Variants in CCAR1 observed in about 807,000 individuals in gnomAD.
CCAR1 encodes cell division cycle and apoptosis regulator 1, also known as cell division cycle and apoptosis regulator protein 1.
A neutral mutation model predicts 163.8 loss-of-function variants in CCAR1; 78 were observed. The ratio of observed to expected loss-of-function variants is 0.48; its 90% CI spans 0.40 to 0.57. CCAR1 has a LOEUF of 0.57. Among genes scored for constraint, CCAR1 ranks in the 20% least tolerant of loss-of-function variants. The probability of loss-of-function intolerance (pLI) is 0.00; values close to 1 mark genes in which losing one functional copy is unlikely to be tolerated. For missense variants in CCAR1, 1,019 were observed against 1,365.2 expected, an observed-to-expected ratio of 0.75 and a Z score of 4.00; for synonymous variants, 443 against 460.7, an observed-to-expected ratio of 0.96 and a Z score of 0.49.
At chr10:68,770,697 C>T (rs2056590580) in intron 17 of CCAR1, among the ~76,000 whole-genome samples, 1 of 152,090 alleles carries the variant, frequency 6.6e-6, no homozygotes, top group Admixed American at 6.6e-5. Context: ...GAGCCCACAT[C>T]ATGCCACTGC....
chr10:68,758,997 T>C (rs779973182), intron 15 of CCAR1, among the ~76,000 whole-genome samples: 2 of 152,174 alleles, frequency 1.3e-5, no homozygotes, highest in Non-Finnish European at 2.9e-5. Context: ...CATTGTTAGG[T>C]GTTTTATTCC....
At chr10:68,771,178 C>G in intron 17 of CCAR1, 28 bp from the exon 18 acceptor site, 2 of 1,545,118 alleles carry the variant, frequency 1.3e-6, no homozygotes, top group Non-Finnish European at 1.7e-6. Flanking sequence ...TGAAATTTGG[C>G]TAGGTTCATG....
chr10:68,759,161 C>G (rs2056437624), intron 15 of CCAR1, among the ~76,000 whole-genome samples: 1 of 152,202 alleles, frequency 6.6e-6, no homozygotes, highest in East Asian at 1.9e-4. Flanking sequence ...TGCCTGTGAT[C>G]CCAGCACTTC....
intron 2 of CCAR1, among the ~76,000 whole-genome samples, chr10:68,730,849 T>C (rs981626718): frequency 6.6e-6 from 1 of 152,074 alleles, no homozygotes; most frequent in Non-Finnish European, 1.5e-5. Flanking sequence ...CGTCACCATG[T>C]ACTACCAAAT....
intron 5 of CCAR1, among the ~76,000 whole-genome samples, chr10:68,741,851 G>C (rs1170330643): frequency 6.6e-6 from 1 of 152,108 alleles, no homozygotes; most frequent in Non-Finnish European, 1.5e-5. Context: ...TCTCTTCCTT[G>C]TCTTTTAAAA....
chr10:68,768,332 G>A (rs1285381650), intron 17 of CCAR1, among the ~76,000 whole-genome samples: 2 of 151,680 alleles, frequency 1.3e-5, no homozygotes, highest in Non-Finnish European at 2.9e-5. Flanking sequence ...TTGCCTGGCT[G>A]GGTGCAGTGG....
At position 68,791,556 on chromosome 10, in the gene CCAR1, A is replaced by G; in HGVS notation, c.*290A>G. On this transcript the variant is annotated 3_prime_UTR_variant, in exon 25 of 25. Coordinates refer to ENST00000265872, the MANE Select transcript of CCAR1 (RefSeq NM_018237.4). ...CCAATAAAGTTCATCAGTTTAATTG[A>G]CTGTAGTATTTAATTACCAAATTTC... is the stretch of plus-strand genomic sequence containing the variant. 5.2e-6 allele frequency: 1 copy of G among 192,352 alleles called. No individual in the cohort carries two copies. The highest frequency in any genetic ancestry group is 1.1e-5 in the Non-Finnish European group (1 of 93,666). 11.9% of individuals were successfully genotyped at this position (192,352 alleles called of 1,614,324 possible).
At chr10:68,735,291 A>G (rs1318665696) in intron 2 of CCAR1, among the ~76,000 whole-genome samples, 1 of 151,956 alleles carries the variant, frequency 6.6e-6, no homozygotes, top group Non-Finnish European at 1.5e-5. Context: ...CGAGGCGTCC[A>G]TAAGCTGTGA....
At chr10:68,743,728 GTTTGTTTATTTA>G (rs61617840) in intron 6 of CCAR1, among the ~76,000 whole-genome samples, 101,393 of 147,768 alleles carry the variant, frequency 0.69, 34,855 homozygotes, top group Non-Finnish European at 0.74. Flanking sequence ...TTATTTATTT[GTTTGTTTATTTA>G]TTTATTTATT....
intron 17 of CCAR1, among the ~76,000 whole-genome samples, chr10:68,767,102 G>A (rs182383300): frequency 6.6e-6 from 1 of 152,168 alleles, no homozygotes; most frequent in East Asian, 1.9e-4. Flanking sequence ...TATCCATAAT[G>A]TCTAGTTGTC....
chr10:68,791,341 G>A lies in CCAR1; in HGVS notation c.*75G>A. The stretch of plus-strand genomic sequence containing the variant: ...AAATCATGATATAAGAATGTTTGAA[G>A]GTGATGCATGTTTGATTTTAGTAGT... On this transcript the variant is annotated 3_prime_UTR_variant, in exon 25 of 25. Transcript: ENST00000265872. 1.0e-6 allele frequency: 1 copy of A among 953,264 alleles called. No homozygotes were observed. Among genetic ancestry groups the A allele is most frequent in the Non-Finnish European group, 1.6e-6 (1 of 630,200 alleles). The allele number at this position is 953,264 out of a possible 1,614,324, so 59.1% of individuals were successfully genotyped here.
At chr10:68,751,780 C>G (rs1287677597) in intron 10 of CCAR1, among the ~76,000 whole-genome samples, 1 of 151,716 alleles carries the variant, frequency 6.6e-6, no homozygotes, top group Non-Finnish European at 1.5e-5. Context: ...AGGAGAATCG[C>G]TTGAACCCGG....
chr10:68,732,644 T>G (rs2056056590), intron 2 of CCAR1, among the ~76,000 whole-genome samples: 1 of 152,178 alleles, frequency 6.6e-6, no homozygotes, highest in Admixed American at 6.5e-5. Flanking sequence ...CCACCATGCC[T>G]GGCCAGAACA....
intron 2 of CCAR1, among the ~76,000 whole-genome samples, chr10:68,724,948 G>A (rs1048845095): frequency 1.6e-4 from 25 of 152,260 alleles, no homozygotes; most frequent in Non-Finnish European, 1.6e-4. Flanking sequence ...AGACCAGCCT[G>A]ACAAACATGG....
At position 68,760,394 on chromosome 10, in the gene CCAR1, T is replaced by C. The variant is rs373357442; in HGVS notation, c.1921-613T>C. Among the ~76,000 whole-genome samples, 213 of 152,290 alleles carry C rather than the reference T, an allele frequency of 1.4e-3. 1 individual carries two copies. The Middle Eastern group carries it at 0.027, about 19-fold the overall frequency. ...ATAGTTTTGTGGGGTTTTTTCCCCC[T>C]TCTATTTAGGATGTTTCCTTAGGGT... On this transcript the variant is annotated intron_variant, in intron 15 of 24. Transcript: ENST00000265872.
At chr10:68,783,233 A>T (rs941734722) in intron 19 of CCAR1, among the ~76,000 whole-genome samples, 1 of 151,762 alleles carries the variant, frequency 6.6e-6, no homozygotes, top group Non-Finnish European at 1.5e-5. Context: ...TCTGTTGCCC[A>T]GGCTGGAATG....
intron 19 of CCAR1, among the ~76,000 whole-genome samples, chr10:68,773,678 AT>A (rs148251430): frequency 0.045 from 6,781 of 151,974 alleles, 278 homozygotes; most frequent in East Asian, 0.25. Context: ...AAAAAAAAAA[AT>A]GTATAATAGT....
At chr10:68,782,536 G>A (rs1317613216) in intron 19 of CCAR1, among the ~76,000 whole-genome samples, 3 of 152,252 alleles carry the variant, frequency 2.0e-5, no homozygotes, top group African/African-American at 4.8e-5. Flanking sequence ...TTCTTCCATC[G>A]GCTGAAGATG....
chr10:68,790,731 G>T (rs993279101), intron 24 of CCAR1, among the ~76,000 whole-genome samples: 4 of 151,780 alleles, frequency 2.6e-5, no homozygotes, highest in Admixed American at 2.6e-4. Flanking sequence ...GTTTCAGACC[G>T]GGCGCGGTGG....
Sources: gnomAD v4.1 joint callset for allele counts (sites outside exome capture counted in the v4.1 genomes callset) on GRCh38, gnomAD v4.1.1 for gene constraint, MANE v1.5 for transcripts, NCBI Gene and HGNC (gene_info 2026-07-23, HGNC 2026-07-21) for gene names.